ELAVL2: variants seen among roughly 807,000 people sequenced by gnomAD.
ELAVL2 encodes the protein ELAV-like protein 2.
ELAVL2 carries 4 observed loss-of-function variants against 34.6 expected under a neutral mutation model. The observed-to-expected ratio is 0.12, with a 90% confidence interval of 0.06 to 0.26. ELAVL2 has a LOEUF of 0.26. Ranked by LOEUF, ELAVL2 falls within the 10% of genes least tolerant of loss-of-function variation. The pLI is 1.00. For missense variants in ELAVL2, 432 were observed against 442.8 expected (o/e 0.98, Z 0.22); for synonymous variants, 193 against 154.8 (o/e 1.25, Z -1.83).
chr9:23,796,370 C>A (rs1316509019), intron 1 of ELAVL2, among the ~76,000 whole-genome samples: 1 of 152,196 alleles, frequency 6.6e-6, no homozygotes, highest in Non-Finnish European at 1.5e-5. Flanking sequence ...ATTTGAAGAG[C>A]GATTTGACCC....
intron 2 of ELAVL2, among the ~76,000 whole-genome samples, chr9:23,731,703 A>G (rs1308792395): frequency 1.3e-5 from 2 of 152,146 alleles, no homozygotes; most frequent in South Asian, 2.1e-4. Flanking sequence ...AAATTTCTCC[A>G]AAGAGGGTTT....
intron 2 of ELAVL2, among the ~76,000 whole-genome samples, chr9:23,752,547 C>T (rs1218412086): frequency 6.6e-6 from 1 of 151,914 alleles, no homozygotes; most frequent in African/African-American, 2.4e-5. Context: ...CTCCGCCTCC[C>T]GGGTTGAAGC....
In ELAVL2 at chr9:23,780,159, G is replaced by A. The variant is rs569897474; in HGVS notation, c.-15-17910C>T. On this transcript the variant is annotated intron_variant, in intron 1 of 6. Coordinates refer to ENST00000397312, the MANE Select transcript of ELAVL2 (RefSeq NM_004432.5). Reference sequence around the variant, plus strand: ...TAGGTTGATTCTCTTTTCCAGGACTGTATTATAAAACATTTTGAACTGAGA... The same window carrying A: ...TAGGTTGATTCTCTTTTCCAGGACTATATTATAAAACATTTTGAACTGAGA... Among the ~76,000 whole-genome samples, 7 of 151,884 alleles carry A rather than the reference G, an allele frequency of 4.6e-5. No homozygotes were observed. The South Asian group carries it at 1.5e-3, about 32-fold the overall frequency.
chr9:23,812,055 A>G (rs1457302193), intron 1 of ELAVL2, among the ~76,000 whole-genome samples: 2 of 152,140 alleles, frequency 1.3e-5, no homozygotes, highest in African/African-American at 2.4e-5. Flanking sequence ...CAACAGGGAT[A>G]TATCTCTTTG....
intron 1 of ELAVL2, among the ~76,000 whole-genome samples, chr9:23,766,427 G>A (rs2056272740): frequency 6.6e-6 from 1 of 152,080 alleles, no homozygotes; most frequent in Non-Finnish European, 1.5e-5. Flanking sequence ...GGGTAAAGCA[G>A]GCATAAATGT....
intron 3 of ELAVL2, among the ~76,000 whole-genome samples, chr9:23,718,038 C>T (rs2042752585): frequency 6.6e-6 from 1 of 152,200 alleles, no homozygotes; most frequent in South Asian, 2.1e-4. Flanking sequence ...TTTAAAGCTA[C>T]TGACCTTTCC....
chr9:23,821,217 A>G (rs1378762123), intron 1 of ELAVL2: 1 of 152,480 alleles, frequency 6.6e-6, no homozygotes, highest in Non-Finnish European at 1.5e-5. Context: ...TTTCCCTCCA[A>G]TACACTCACC....
In ELAVL2 at chr9:23,812,750, C is replaced by CAAA. The variant is rs569118079; in HGVS notation, c.-16+13053_-16+13055dup. 1.4e-3 allele frequency among the ~76,000 whole-genome samples: 193 copies of CAAA among 135,066 alleles called. 1 individual carries two copies. The highest frequency in any genetic ancestry group is 0.011 in the East Asian group (50 of 4,636). 88.6% of individuals were successfully genotyped at this position (135,066 alleles called of 152,430 possible). On this transcript the variant is annotated intron_variant, in intron 1 of 6. Transcript: ENST00000397312. ...ACACTTATACTAACACTCCAAATAT[C>CAAA]AAAAAAAAAAAAAAAATTGGCTGGG... is the stretch of plus-strand genomic sequence containing the variant.
At chr9:23,783,946 G>T (rs1564450331) in intron 1 of ELAVL2, among the ~76,000 whole-genome samples, 1 of 152,184 alleles carries the variant, frequency 6.6e-6, no homozygotes, top group Admixed American at 6.5e-5. Flanking sequence ...TGTAATCCCA[G>T]CACTTTGGGA....
intron 2 of ELAVL2, among the ~76,000 whole-genome samples, chr9:23,741,374 A>G (rs1354762234): frequency 6.6e-6 from 1 of 152,180 alleles, no homozygotes; most frequent in African/African-American, 2.4e-5. Context: ...ATGAGGAAGG[A>G]GGCACACGAG....
chr9:23,822,457 C>T (rs2064939675), intron 1 of ELAVL2, among the ~76,000 whole-genome samples: 2 of 152,114 alleles, frequency 1.3e-5, no homozygotes, highest in African/African-American at 4.8e-5. Flanking sequence ...CTTCTATCGC[C>T]CCCCAACTCA....
intron 1 of ELAVL2, among the ~76,000 whole-genome samples, chr9:23,762,658 GACCT>G (rs1402720838): frequency 4.6e-5 from 7 of 152,106 alleles, no homozygotes; most frequent in African/African-American, 1.7e-4. Flanking sequence ...ACAAAAAAAT[GACCT>G]ACCTAACTCT....
chr9:23,702,973 A>AAAAAAC (rs1563957498), intron 4 of ELAVL2, among the ~76,000 whole-genome samples: 1 of 145,410 alleles, frequency 6.9e-6, no homozygotes, highest in East Asian at 2.2e-4. Flanking sequence ...AAAAAAAAAA[A>AAAAAAC]AAAAAAAACA....
At chr9:23,843,294 G>A in the ELAVL2 span, among the ~76,000 whole-genome samples, 3 of 151,842 alleles carry the variant, frequency 2.0e-5, no homozygotes, top group African/African-American at 7.3e-5. Flanking sequence ...ATGAACACAG[G>A]GAAATAAAAA....
At chr9:23,701,733 A>C (rs2037316631) in intron 4 of ELAVL2, 129 bp from the exon 5 acceptor site, 3 of 973,712 alleles carry the variant, frequency 3.1e-6, no homozygotes, top group Admixed American at 2.6e-5. Context: ...TTCCCACAAA[A>C]TCACACCAGG....
At chr9:23,694,885 T>C (rs975856613) in intron 5 of ELAVL2, among the ~76,000 whole-genome samples, 2 of 152,148 alleles carry the variant, frequency 1.3e-5, no homozygotes, top group African/African-American at 2.4e-5. Flanking sequence ...TGTGTGTGTG[T>C]GCGTGCCTTG....
chr9:23,792,033 A>G (rs2060383515), intron 1 of ELAVL2, among the ~76,000 whole-genome samples: 1 of 152,220 alleles, frequency 6.6e-6, no homozygotes, highest in African/African-American at 2.4e-5. Context: ...AAACTTTGTA[A>G]TGGTGCAAGA....
rs187619962 is a variant in ELAVL2 at position 23,795,787 on chromosome 9, T to G, written c.-16+30019A>C. 3.1e-3 allele frequency among the ~76,000 whole-genome samples: 475 copies of G among 152,288 alleles called. 3 individuals carry two copies. The highest frequency in any genetic ancestry group is 5.6e-3 in the South Asian group (27 of 4,830). On this transcript the variant is annotated intron_variant, in intron 1 of 6. Coordinates refer to ENST00000397312, the MANE Select transcript of ELAVL2 (RefSeq NM_004432.5). ...ACAAAGCTGAGACAAAAACAAGACA[T>G]TTAATGGCAATGTGTCTCCTCCCTG...
At chr9:23,771,730 C>G (rs1257174022) in intron 1 of ELAVL2, among the ~76,000 whole-genome samples, 1 of 152,166 alleles carries the variant, frequency 6.6e-6, no homozygotes, top group Non-Finnish European at 1.5e-5. Flanking sequence ...GCTCAAAGCT[C>G]TCCCCAAAAG....
Sources: gnomAD v4.1 joint callset for allele counts (sites outside exome capture counted in the v4.1 genomes callset) on GRCh38, gnomAD v4.1.1 for gene constraint, MANE v1.5 for transcripts, NCBI Gene and HGNC (gene_info 2026-07-23, HGNC 2026-07-21) for gene names.